Variants in GPAM observed in about 807,000 individuals in gnomAD.
GPAM encodes the protein glycerol-3-phosphate acyltransferase 1, mitochondrial.
GPAM carries 56 observed loss-of-function variants against 105.0 expected under a neutral mutation model. The observed-to-expected ratio is 0.53, with a 90% CI of 0.43 to 0.67. The LOEUF (loss-of-function observed/expected upper bound fraction) is 0.67, where lower values mean the gene tolerates loss of function less well. Among genes scored for constraint, GPAM ranks in the 30% least tolerant of loss-of-function variants. The pLI is 0.00. For synonymous variants in GPAM, 368 were observed against 354.4 expected, an observed-to-expected ratio of 1.04 and a Z score of -0.43; for missense variants, 855 against 989.8, an observed-to-expected ratio of 0.86 and a Z score of 1.83.
rs1847514038 is a variant in GPAM at position 112,181,817 on chromosome 10, T to C, written c.-29-4A>G. ...AGTGTAATTCCCAAATCATGTGCTA[T>C]AAAAAATAGGTACCATTTAAATTAA... On this transcript the variant is annotated splice_polypyrimidine_tract_variant and splice_region_variant and intron_variant, in intron 2 of 21. Transcript: ENST00000348367. 1 of 1,169,412 alleles carries C rather than the reference T, an allele frequency of 8.6e-7. No homozygotes were observed. The highest frequency in any genetic ancestry group is 2.3e-5 in the East Asian group (1 of 42,896). The allele number at this position is 1,169,412 out of a possible 1,614,324, so 72.4% of individuals were successfully genotyped here.
chr10:112,199,708 A>G (rs2133292602), intron 1 of GPAM, among the ~76,000 whole-genome samples: 1 of 152,330 alleles, frequency 6.6e-6, no homozygotes, highest in Middle Eastern at 3.4e-3. Flanking sequence ...GGGAGGCCTC[A>G]CAATCATGAT....
At chr10:112,170,538 GA>G (rs1564679013) in intron 9 of GPAM, among the ~76,000 whole-genome samples, 2 of 152,166 alleles carry the variant, frequency 1.3e-5, no homozygotes, top group Non-Finnish European at 2.9e-5. Context: ...ATGGGTATAG[GA>G]AATATTCTAA....
intron 1 of GPAM, among the ~76,000 whole-genome samples, chr10:112,195,863 C>T (rs563041728): frequency 1.3e-5 from 2 of 152,220 alleles, no homozygotes; most frequent in Admixed American, 6.5e-5. Flanking sequence ...ATTCAAGGAG[C>T]GATGTGGGAA....
chr10:112,166,745 A>G (rs1847225218), intron 11 of GPAM, among the ~76,000 whole-genome samples: 1 of 152,274 alleles, frequency 6.6e-6, no homozygotes, highest in Non-Finnish European at 1.5e-5. Flanking sequence ...AATGAAAAAC[A>G]AAACATTTAA....
intron 1 of GPAM, among the ~76,000 whole-genome samples, chr10:112,212,265 G>C (rs58056611): frequency 1.3e-5 from 2 of 152,202 alleles, no homozygotes; most frequent in Admixed American, 1.3e-4. Context: ...TCCGGTTTTC[G>C]CTGTTACTTT....
intron 14 of GPAM, 100 bp from the exon 15 acceptor site, chr10:112,161,837 T>C (rs1426461341): frequency 3.6e-6 from 3 of 834,890 alleles, no homozygotes; most frequent in Non-Finnish European, 6.2e-6. Context: ...TTTAAAACTG[T>C]GAAAGTCTTC....
chr10:112,218,943 C>T (rs1040620118), upstream of GPAM, among the ~76,000 whole-genome samples: 6 of 152,126 alleles, frequency 3.9e-5, no homozygotes, highest in African/African-American at 7.2e-5. Context: ...GGTGTTAGCC[C>T]GCGTCTTTAC....
At chr10:112,157,419 A>C in intron 18 of GPAM, 30 bp from the exon 19 acceptor site, 1 of 1,608,754 alleles carries the variant, frequency 6.2e-7, no homozygotes. Context: ...GATAGTAAAT[A>C]AATATGCACT....
chr10:112,210,960 T>A (rs1170837199), intron 1 of GPAM, among the ~76,000 whole-genome samples: 2 of 152,236 alleles, frequency 1.3e-5, no homozygotes, highest in Non-Finnish European at 2.9e-5. Flanking sequence ...GCGTTCCTGT[T>A]CTCAGAATCT....
chr10:112,207,092 T>C (rs188124049), intron 1 of GPAM, among the ~76,000 whole-genome samples: 89 of 152,356 alleles, frequency 5.8e-4, no homozygotes, highest in Admixed American at 1.1e-3. Flanking sequence ...CCAGTAGTTC[T>C]CAACCAGAGG....
the GPAM span, among the ~76,000 whole-genome samples, chr10:112,225,122 G>A: frequency 6.6e-6 from 1 of 152,136 alleles, no homozygotes; most frequent in Non-Finnish European, 1.5e-5. Flanking sequence ...GCCAGAATGG[G>A]GTGGATGGCA....
intron 16 of GPAM, 61 bp downstream of exon 16, chr10:112,160,543 G>C: frequency 6.8e-7 from 1 of 1,465,320 alleles, no homozygotes; most frequent in Non-Finnish European, 9.6e-7. Context: ...ATACCACTAT[G>C]TGTTTTAGGC....
At chr10:112,216,787 C>A (rs1238307502), upstream of GPAM, among the ~76,000 whole-genome samples, 1 of 152,034 alleles carries the variant, frequency 6.6e-6, no homozygotes, top group African/African-American at 2.4e-5. Flanking sequence ...CCATGCCCAG[C>A]TAATTTTTGT....
Position 112,160,796 on chromosome 10 carries a change from G to C in GPAM, c.1567C>G (p.Leu523Val), listed in dbSNP as rs1212853559. The C allele has an allele frequency of 1.9e-6, 3 of 1,613,822 alleles. No individual in the cohort carries two copies. Among genetic ancestry groups the C allele is most frequent in the East Asian group, 2.2e-5 (1 of 44,858 alleles). The change falls in exon 16 of 22, where the codon CTG becomes GTG. Residue 523 changes from leucine (L) to valine (V), a missense_variant. By Grantham distance (32) the Leu-to-Val change is conservative (BLOSUM62 1). Transcript: ENST00000348367. Reference protein sequence around the residue: ...KEEVLARDFDLGFSGNSEDVV... With the variant: ...KEEVLARDFDVGFSGNSEDVV... ...TCTTCTGAATTTCCTGAGAACCCCA[G>C]GTCAAAATCACGAGCCAGGACTTCC...
At chr10:112,188,304 AAAG>A (rs1847618301), upstream of GPAM, among the ~76,000 whole-genome samples, 1 of 152,220 alleles carries the variant, frequency 6.6e-6, no homozygotes, top group African/African-American at 2.4e-5. Context: ...CATAAGGAAA[AAAG>A]AGGAGGACAC....
At chr10:112,189,460 A>T (rs183823177) in intron 1 of GPAM, among the ~76,000 whole-genome samples, 1 of 152,300 alleles carries the variant, frequency 6.6e-6, no homozygotes, top group Non-Finnish European at 1.5e-5. Context: ...TGTGGCTTCC[A>T]GAATTCACTT....
chr10:112,158,227 G>A, intron 18 of GPAM, 89 bp downstream of exon 18: 2 of 914,740 alleles, frequency 2.2e-6, no homozygotes, highest in Non-Finnish European at 3.7e-6. Context: ...CACCATGCCT[G>A]GCCAATTATT....
In GPAM at chr10:112,151,237, T is replaced by C. The variant is rs951486936; in HGVS notation, c.*2313A>G. 7 of 985,556 alleles carry C rather than the reference T, an allele frequency of 7.1e-6. No individual in the cohort carries two copies. The highest frequency in any genetic ancestry group is 8.4e-6 in the Non-Finnish European group (7 of 829,780). 61.1% of individuals were successfully genotyped at this position (985,556 alleles called of 1,614,324 possible). A position where few individuals can be genotyped will look rare whatever the true frequency, so the allele number is the denominator to read the frequency against. ...AGCACCTAGTTTGTTTAACCTTATGTGGAAGCCATCACTGTTGGAAAACAA... is the reference window on the plus strand; with the variant it reads ...AGCACCTAGTTTGTTTAACCTTATGCGGAAGCCATCACTGTTGGAAAACAA... On this transcript the variant is annotated 3_prime_UTR_variant, in exon 22 of 22. Transcript: ENST00000348367.
At chr10:112,168,766 T>C in intron 10 of GPAM, 87 bp downstream of exon 10, 3 of 918,666 alleles carry the variant, frequency 3.3e-6, no homozygotes, top group Admixed American at 1.7e-5. Flanking sequence ...GAGCAGTTTT[T>C]AAAAATCTCA....
Sources: allele counts gnomAD v4.1 joint callset (sites outside exome capture counted in the v4.1 genomes callset), GRCh38; gene constraint gnomAD v4.1.1; transcripts MANE v1.5; gene names NCBI Gene and HGNC (gene_info 2026-07-23, HGNC 2026-07-21).